Variants in SPATA6 observed in about 807,000 individuals in gnomAD.
SPATA6 encodes the protein spermatogenesis-associated protein 6.
SPATA6 carries 56 observed loss-of-function variants against 65.3 expected under a neutral mutation model. The ratio of observed to expected loss-of-function variants is 0.86; its 90% confidence interval spans 0.69 to 1.07. The LOEUF is 1.07. Ranked by LOEUF, SPATA6 falls within the 50% of genes least tolerant of loss-of-function variation. The pLI, the probability that SPATA6 is intolerant of heterozygous loss-of-function variation, is 0.00. For missense variants in SPATA6, 590 were observed against 594.8 expected, an observed-to-expected ratio of 0.99 and a Z score of 0.08; for synonymous variants, 199 against 213.2, an observed-to-expected ratio of 0.93 and a Z score of 0.58.
intron 11 of SPATA6, among the ~76,000 whole-genome samples, chr1:48,347,462 TATA>T (rs1557593697): frequency 7.9e-6 from 1 of 126,074 alleles, no homozygotes; most frequent in African/African-American, 3.2e-5. Flanking sequence ...ATAATGTATA[TATA>T]ATATAATATA....
intron 11 of SPATA6, among the ~76,000 whole-genome samples, chr1:48,320,384 C>T (rs1342344801): frequency 1.3e-5 from 2 of 152,112 alleles, no homozygotes; most frequent in South Asian, 4.1e-4. Flanking sequence ...ACAAGTAACA[C>T]ACAAATGAAC....
intron 9 of SPATA6, among the ~76,000 whole-genome samples, chr1:48,363,419 A>G (rs534824328): frequency 1.3e-5 from 2 of 152,208 alleles, no homozygotes; most frequent in South Asian, 4.1e-4. Context: ...TGTTTATGAG[A>G]CCCTGAGCAA....
In SPATA6 at chr1:48,430,843, A is replaced by T. The variant is rs565343671; in HGVS notation, c.239-17692T>A. On this transcript the variant is annotated intron_variant, in intron 3 of 12. Transcript: ENST00000371847. ...AAATAGCAACTAAACACAAAAGAAGACAGTAATGCAGAAAATGAGTGACAA... is the reference window on the plus strand; with the variant it reads ...AAATAGCAACTAAACACAAAAGAAGTCAGTAATGCAGAAAATGAGTGACAA... Among the ~76,000 whole-genome samples, 4 of 152,280 alleles carry T rather than the reference A, an allele frequency of 2.6e-5. No individual in the cohort carries two copies. The South Asian group carries it at 8.3e-4, about 32-fold the overall frequency.
chr1:48,311,780 C>T (rs1484535396), intron 11 of SPATA6, among the ~76,000 whole-genome samples: 2 of 152,160 alleles, frequency 1.3e-5, no homozygotes, highest in Admixed American at 1.3e-4. Context: ...CATCACCTCC[C>T]CCGGGAAGTA....
chr1:48,366,643 C>T (rs542447666), intron 9 of SPATA6, among the ~76,000 whole-genome samples: 1 of 152,124 alleles, frequency 6.6e-6, no homozygotes, highest in Admixed American at 6.5e-5. Flanking sequence ...GTGGTGATAT[C>T]CCCTTTATCA....
intron 11 of SPATA6, among the ~76,000 whole-genome samples, chr1:48,338,222 G>A (rs1646113280): frequency 2.6e-5 from 4 of 151,938 alleles, no homozygotes; most frequent in Admixed American, 1.3e-4. Context: ...ACAGCGGAGG[G>A]GTAAAGAATA....
intron 8 of SPATA6, 126 bp from the exon 9 acceptor site, chr1:48,385,475 C>A (rs1407676914): frequency 4.2e-6 from 3 of 706,334 alleles, no homozygotes; most frequent in Non-Finnish European, 6.7e-6. Flanking sequence ...AATCCTTCAA[C>A]AGTGTTACAT....
intron 12 of SPATA6, among the ~76,000 whole-genome samples, chr1:48,304,619 C>T (rs1411250788): frequency 1.3e-5 from 2 of 152,312 alleles, no homozygotes; most frequent in South Asian, 2.1e-4. Flanking sequence ...ACTGGGATTA[C>T]AGGCGTGAGC....
chr1:48,357,745 A>T (rs1646698552), intron 10 of SPATA6, among the ~76,000 whole-genome samples: 1 of 152,080 alleles, frequency 6.6e-6, no homozygotes, highest in Non-Finnish European at 1.5e-5. Context: ...AAAGAATAAA[A>T]TTTTTTGTTC....
chr1:48,361,996 A>C lies in SPATA6; in HGVS notation c.910-2226T>G, dbSNP rs144884648. Among the ~76,000 whole-genome samples the C allele has an allele frequency of 1.5e-3, 225 of 152,320 alleles. 1 individual carries two copies. The highest frequency in any genetic ancestry group is 5.3e-3 in the African/African-American group (220 of 41,578). On this transcript the variant is annotated intron_variant, in intron 9 of 12. Coordinates refer to ENST00000371847, the MANE Select transcript of SPATA6 (RefSeq NM_019073.4). Reference sequence around the variant, plus strand: ...ATATGTGATCAAGACTGAAGAAAAAAATAAAATTGCTCCATTTTTAGCTAT... The same window carrying C: ...ATATGTGATCAAGACTGAAGAAAAACATAAAATTGCTCCATTTTTAGCTAT...
intron 3 of SPATA6, among the ~76,000 whole-genome samples, chr1:48,424,871 T>G (rs1489842912): frequency 6.6e-6 from 1 of 152,196 alleles, no homozygotes; most frequent in African/African-American, 2.4e-5. Flanking sequence ...TTGAAGCTCC[T>G]TATATATTCT....
At chr1:48,467,680 A>G (rs1657915154) in intron 1 of SPATA6, among the ~76,000 whole-genome samples, 1 of 152,142 alleles carries the variant, frequency 6.6e-6, no homozygotes, top group African/African-American at 2.4e-5. Context: ...GTTAATATCC[A>G]AAATATGTAA....
At chr1:48,429,587 T>C (rs1394812762) in intron 3 of SPATA6, among the ~76,000 whole-genome samples, 2 of 151,798 alleles carry the variant, frequency 1.3e-5, no homozygotes, top group Non-Finnish European at 2.9e-5. Context: ...CAAAAAATAA[T>C]CATAAGGGAT....
chr1:48,264,229 CA>C, the SPATA6 span, among the ~76,000 whole-genome samples: 1 of 152,086 alleles, frequency 6.6e-6, no homozygotes, highest in Non-Finnish European at 1.5e-5. Context: ...TTTGAGTACC[CA>C]AATATTTTTG....
In SPATA6 at chr1:48,298,853, C is replaced by A; in HGVS notation, c.1327G>T (p.Gly443Cys). The A allele has an allele frequency of 1.9e-6, 3 of 1,613,638 alleles. No homozygotes were observed. The highest frequency in any genetic ancestry group is 2.5e-6 in the Non-Finnish European group (3 of 1,179,838). ...GCTGCCCTGTTGGACCAGTATTCAC[C>A]GTCATCCAAATGGAAAGTGCCACGT... ...QPRGTFHLDD[G>C]EYWSNRAASY... Residue 443 changes from glycine to cysteine, a missense_variant, in exon 13 of 13, where the codon GGT becomes TGT. Gly to Cys is a radical substitution (Grantham distance 159, BLOSUM62 -3). Coordinates refer to ENST00000371847, the MANE Select transcript of SPATA6 (RefSeq NM_019073.4).
At chr1:48,323,481 TG>T (rs1274426093) in intron 11 of SPATA6, among the ~76,000 whole-genome samples, 1 of 152,018 alleles carries the variant, frequency 6.6e-6, no homozygotes, top group Non-Finnish European at 1.5e-5. Flanking sequence ...GATGAGTTGA[TG>T]GGTGCAGCAA....
chr1:48,350,660 A>G (rs1439040584), intron 11 of SPATA6, among the ~76,000 whole-genome samples: 1 of 151,936 alleles, frequency 6.6e-6, no homozygotes, highest in Non-Finnish European at 1.5e-5. Context: ...TTGGCTTTAC[A>G]CTTTTGTCAA....
chr1:48,437,082 G>A, intron 3 of SPATA6: 1 of 1,598,310 alleles, frequency 6.3e-7, no homozygotes, highest in South Asian at 1.1e-5. Context: ...TCAAACAGAT[G>A]AAAGAAGAAA....
rs187319799 is a variant in SPATA6, at chr1:48,439,637, G to A, written c.238+11915C>T. ...GACCGTTGTAGGTTCTTGGGCAAGA[G>A]GGGAAAACAAACAAACCAAAACCAC... On this transcript the variant is annotated intron_variant, in intron 3 of 12. Coordinates refer to ENST00000371847, the MANE Select transcript of SPATA6 (RefSeq NM_019073.4). 1.7e-4 allele frequency among the ~76,000 whole-genome samples: 26 copies of A among 152,318 alleles called. No individual in the cohort carries two copies. In the East Asian group the frequency reaches 2.7e-3, roughly 16 times the overall value.
Sources: gnomAD v4.1 joint callset for allele counts (sites outside exome capture counted in the v4.1 genomes callset) on GRCh38, gnomAD v4.1.1 for gene constraint, MANE v1.5 for transcripts, NCBI Gene and HGNC (gene_info 2026-07-23, HGNC 2026-07-21) for gene names.